Variants in ZBTB20 observed in about 807,000 individuals in gnomAD.
ZBTB20 encodes zinc finger and BTB domain containing 20.
A neutral mutation model predicts 56.9 loss-of-function variants in ZBTB20; 9 were observed. The ratio of observed to expected loss-of-function variants is 0.16; its 90% confidence interval spans 0.10 to 0.28. The LOEUF is 0.28. ZBTB20 is among the 10% of genes least tolerant of loss of function. ZBTB20 has a pLI of 1.00. For synonymous variants in ZBTB20, 417 were observed against 420.7 expected (o/e 0.99, Z 0.11); for missense variants, 655 against 1,003.0 (o/e 0.65, Z 4.69).
At chr3:114,453,233 C>T (rs1161457273) in intron 7 of ZBTB20, among the ~76,000 whole-genome samples, 2 of 152,120 alleles carry the variant, frequency 1.3e-5, no homozygotes, top group Admixed American at 6.6e-5. Flanking sequence ...CAATCAGAAT[C>T]GTTGACAAAA....
At chr3:115,138,714 T>A (rs2084723677) in intron 1 of ZBTB20, among the ~76,000 whole-genome samples, 1 of 152,110 alleles carries the variant, frequency 6.6e-6, no homozygotes, top group Non-Finnish European at 1.5e-5. Context: ...CACGGGATTG[T>A]GGAATTAACT....
chr3:114,662,403 C>T (rs1200743890), intron 6 of ZBTB20, among the ~76,000 whole-genome samples: 1 of 144,524 alleles, frequency 6.9e-6, no homozygotes, highest in Non-Finnish European at 1.5e-5. Flanking sequence ...GATTTATAGT[C>T]CTTTGGGTAT....
intron 11 of ZBTB20, among the ~76,000 whole-genome samples, chr3:114,347,702 T>C (rs1232922514): frequency 1.3e-5 from 2 of 152,208 alleles, no homozygotes; most frequent in East Asian, 1.9e-4. Context: ...AGTTAGACAA[T>C]AGTCTTGAAA....
intron 3 of ZBTB20, among the ~76,000 whole-genome samples, chr3:114,936,572 GT>G (rs2076542284): frequency 6.6e-6 from 1 of 152,128 alleles, no homozygotes; most frequent in African/African-American, 2.4e-5. Flanking sequence ...TATAAGTAAA[GT>G]TTTTTAATGA....
intron 5 of ZBTB20, among the ~76,000 whole-genome samples, chr3:114,769,599 T>TATA (rs1287004768): frequency 1.6e-5 from 2 of 125,642 alleles, no homozygotes. Context: ...ATATATATAA[T>TATA]GGAATACTAT....
At chr3:114,713,454 A>T (rs2064233732) in intron 5 of ZBTB20, among the ~76,000 whole-genome samples, 1 of 152,338 alleles carries the variant, frequency 6.6e-6, no homozygotes, top group African/African-American at 2.4e-5. Context: ...GATCTACAGA[A>T]CTATCCCAGC....
intron 6 of ZBTB20, among the ~76,000 whole-genome samples, chr3:114,506,575 C>T (rs2044639506): frequency 6.6e-6 from 1 of 152,146 alleles, no homozygotes; most frequent in Non-Finnish European, 1.5e-5. Flanking sequence ...GAATCCTTTA[C>T]AATCTGATTC....
chr3:115,054,613 T>A (rs943669237), intron 2 of ZBTB20, among the ~76,000 whole-genome samples: 8 of 152,148 alleles, frequency 5.3e-5, no homozygotes, highest in African/African-American at 1.9e-4. Flanking sequence ...GCATAATTAA[T>A]TATTTGCCAA....
chr3:114,374,143 T>A (rs2083344555), intron 10 of ZBTB20, among the ~76,000 whole-genome samples: 1 of 152,182 alleles, frequency 6.6e-6, no homozygotes, highest in Non-Finnish European at 1.5e-5. Context: ...ATATATCAAT[T>A]AACTAAGAGG....
intron 6 of ZBTB20, among the ~76,000 whole-genome samples, chr3:114,571,550 A>G (rs557098474): frequency 1.3e-5 from 2 of 152,250 alleles, no homozygotes; most frequent in South Asian, 4.2e-4. Context: ...CTGTTAACAA[A>G]GCCACAGAGT....
At position 114,319,952 on chromosome 3, in the gene ZBTB20, T is replaced by G. The variant is rs915554932; in HGVS notation, c.*19053A>C. ...AAAAGGTGATGTGGAAATCCAGTGGTATGAGGAAGGCTGGGGTTATTTCCT... is the reference window on the plus strand; with the variant it reads ...AAAAGGTGATGTGGAAATCCAGTGGGATGAGGAAGGCTGGGGTTATTTCCT... On this transcript the variant is annotated 3_prime_UTR_variant, in exon 12 of 12. Transcript: ENST00000675478. 1 of 152,174 alleles carries G rather than the reference T, an allele frequency of 6.6e-6. No individual in the cohort carries two copies. The highest frequency in any genetic ancestry group is 2.4e-5 in the African/African-American group (1 of 41,444). The allele number at this position is 152,174 out of a possible 1,614,324, so 9.4% of individuals were successfully genotyped here.
chr3:115,030,501 T>C (rs1049792891), intron 2 of ZBTB20, among the ~76,000 whole-genome samples: 1 of 151,284 alleles, frequency 6.6e-6, no homozygotes. Flanking sequence ...ATTATATCTG[T>C]CAATTAGTAC....
rs570957038 is a variant in ZBTB20 at position 114,560,642 on chromosome 3, T to C, written c.-294-60251A>G. ...TGTAACACATCTTAATTAAAAATAC[T>C]TTATTGCTGAAAAGTGCTCACCACC... On this transcript the variant is annotated intron_variant, in intron 6 of 11. Transcript: ENST00000675478. Among the ~76,000 whole-genome samples, 3 of 152,264 alleles carry C rather than the reference T, an allele frequency of 2.0e-5. No individual in the cohort carries two copies. In the East Asian group the frequency reaches 5.8e-4, roughly 29 times the overall value.
intron 9 of ZBTB20, 47 bp downstream of exon 9, chr3:114,380,730 C>T: frequency 2.0e-6 from 3 of 1,478,220 alleles, no homozygotes; most frequent in South Asian, 1.4e-5. Flanking sequence ...CTCTTCCCCC[C>T]TTAGGAGTTT....
At chr3:115,085,535 C>T (rs1024283756) in intron 1 of ZBTB20, among the ~76,000 whole-genome samples, 1 of 151,926 alleles carries the variant, frequency 6.6e-6, no homozygotes, top group East Asian at 1.9e-4. Context: ...AGAGCAAAAA[C>T]TAATTTGTGG....
chr3:114,687,873 A>G (rs2062440877), intron 6 of ZBTB20: 1 of 152,152 alleles, frequency 6.6e-6, no homozygotes, highest in African/African-American at 2.4e-5. Context: ...AGTTCTTAAA[A>G]GTAGTTTCTG....
chr3:114,648,143 C>A (rs1266887552), intron 6 of ZBTB20, among the ~76,000 whole-genome samples: 7 of 151,598 alleles, frequency 4.6e-5, no homozygotes, highest in Non-Finnish European at 8.8e-5. Flanking sequence ...TCTTATTACT[C>A]ATCAATAAAA....
In ZBTB20 at chr3:115,031,511, G is replaced by C. The variant is rs182011878; in HGVS notation, c.-507+39708C>G. Among the ~76,000 whole-genome samples the C allele has an allele frequency of 5.9e-4, 89 of 151,454 alleles. 1 individual carries two copies. Among genetic ancestry groups the C allele is most frequent in the Admixed American group, 5.8e-3 (88 of 15,162 alleles). On this transcript the variant is annotated intron_variant, in intron 2 of 11. Transcript: ENST00000675478. ...GATATAATTCAAAGTTTTCCAAGGA[G>C]CTATTTGACCTCCTATAGACTGAAA...
intron 1 of ZBTB20, among the ~76,000 whole-genome samples, chr3:115,076,369 A>C (rs879485379): frequency 6.6e-6 from 1 of 152,218 alleles, no homozygotes; most frequent in Non-Finnish European, 1.5e-5. Flanking sequence ...ATATAGACAA[A>C]TGAAACAAAA....
Sources: gnomAD v4.1 joint callset for allele counts (sites outside exome capture counted in the v4.1 genomes callset) on GRCh38, gnomAD v4.1.1 for gene constraint, MANE v1.5 for transcripts, NCBI Gene and HGNC (gene_info 2026-07-23, HGNC 2026-07-21) for gene names.